Variants in MMS22L observed in about 807,000 individuals in gnomAD.
The protein encoded by MMS22L is MMS22 like, DNA repair protein.
MMS22L carries 74 observed loss-of-function variants against 159.1 expected under a neutral mutation model. The ratio of observed to expected loss-of-function variants is 0.47; its 90% CI spans 0.39 to 0.56. The LOEUF (loss-of-function observed/expected upper bound fraction) is 0.56, where lower values mean the gene tolerates loss of function less well. MMS22L is among the 20% of genes least tolerant of loss of function. The pLI is 0.00. For synonymous variants in MMS22L, 517 were observed against 506.9 expected (o/e 1.02, Z -0.27); for missense variants, 1,351 against 1,422.1 (o/e 0.95, Z 0.80).
chr6:97,232,007 T>A (rs546620277), intron 12 of MMS22L, among the ~76,000 whole-genome samples: 1 of 152,246 alleles, frequency 6.6e-6, no homozygotes, highest in South Asian at 2.1e-4. Context: ...AGGTCATTGG[T>A]TGTATAAAAT....
Position 97,186,355 on chromosome 6 carries a change from A to T in MMS22L, c.2233+142T>A, listed in dbSNP as rs1805226719. 3 of 567,202 alleles carry T rather than the reference A, an allele frequency of 5.3e-6. No homozygotes were observed. The East Asian group carries it at 9.8e-5, about 19-fold the overall frequency. 35.1% of individuals were successfully genotyped at this position (567,202 alleles called of 1,614,324 possible). A position where few individuals can be genotyped will look rare whatever the true frequency, so the allele number is the denominator to read the frequency against. Reference sequence around the variant, plus strand: ...AGCAATAAATAAGCCAAAGGATCCCAATTTATTAATATGTAATTTGTTTCA... The same window carrying T: ...AGCAATAAATAAGCCAAAGGATCCCTATTTATTAATATGTAATTTGTTTCA... On this transcript the variant is annotated intron_variant, in intron 15 of 24. Transcript: ENST00000683635.
At chr6:97,159,078 G>A (rs1214032471) in intron 22 of MMS22L, among the ~76,000 whole-genome samples, 2 of 150,554 alleles carry the variant, frequency 1.3e-5, no homozygotes, top group African/African-American at 4.9e-5. Flanking sequence ...TGTCTCTTTT[G>A]ATCTTTGTTG....
At chr6:97,228,816 TA>T in intron 14 of MMS22L, 77 bp downstream of exon 14, 3 of 1,332,754 alleles carry the variant, frequency 2.3e-6, no homozygotes, top group Non-Finnish European at 3.1e-6. Flanking sequence ...TATATGCATA[TA>T]TATAACTTTA....
chr6:97,233,734 C>G, intron 12 of MMS22L, 127 bp downstream of exon 12: 3 of 976,602 alleles, frequency 3.1e-6, no homozygotes, highest in Non-Finnish European at 4.3e-6. Context: ...CTACTCCAAT[C>G]TACTCTGAAA....
At chr6:97,248,327 G>A (rs962098390) in intron 10 of MMS22L, among the ~76,000 whole-genome samples, 3 of 152,178 alleles carry the variant, frequency 2.0e-5, no homozygotes, top group African/African-American at 7.2e-5. Context: ...AACCTCATGA[G>A]AGACCCTGAG....
At chr6:97,221,137 C>T (rs1424468312) in intron 14 of MMS22L, among the ~76,000 whole-genome samples, 1 of 152,118 alleles carries the variant, frequency 6.6e-6, no homozygotes, top group Admixed American at 6.6e-5. Flanking sequence ...TTGCTAACTG[C>T]CTTATATTCA....
At chr6:97,165,599 G>T in intron 20 of MMS22L, 142 bp from the exon 21 acceptor site, 1 of 706,496 alleles carries the variant, frequency 1.4e-6, no homozygotes, top group Non-Finnish European at 2.3e-6. Flanking sequence ...GTAATCCACA[G>T]ATAATGTACA....
chr6:97,263,927 C>G (rs962496158), intron 8 of MMS22L: 3 of 152,396 alleles, frequency 2.0e-5, no homozygotes, highest in Admixed American at 6.6e-5. Context: ...CCAGGATGGT[C>G]TCGATCTCCT....
intron 18 of MMS22L, among the ~76,000 whole-genome samples, chr6:97,176,794 T>C (rs1804169375): frequency 6.6e-6 from 1 of 152,184 alleles, no homozygotes; most frequent in Admixed American, 6.5e-5. Context: ...AAGCTGTCCC[T>C]GGTTTCTTCA....
intron 4 of MMS22L, among the ~76,000 whole-genome samples, chr6:97,277,893 T>C (rs1306058698): frequency 2.6e-5 from 4 of 152,204 alleles, no homozygotes; most frequent in Admixed American, 2.0e-4. Context: ...GTGTTCCAGG[T>C]AGTCTTTGGT....
At chr6:97,211,526 T>C (rs1438696964) in intron 14 of MMS22L, among the ~76,000 whole-genome samples, 1 of 152,110 alleles carries the variant, frequency 6.6e-6, no homozygotes, top group Non-Finnish European at 1.5e-5. Flanking sequence ...AAAAGTGTAA[T>C]GCATTAGAAA....
rs1274140189 is a variant in MMS22L, at chr6:97,178,492, T to C, written c.2630A>G (p.Tyr877Cys). 3.1e-6 allele frequency: 5 copies of C among 1,591,650 alleles called. No individual in the cohort carries two copies. The South Asian group carries it at 4.6e-5, about 15-fold the overall frequency. ...KSIFSKAQVE[Y>C]LSISEDPKKA... is the part of the protein sequence containing the mutation. ...TTTAGGGTCTTCTGAGATGGATAAATATTCAACTTGGGCCTTTGAGAAAAT... is the reference window on the plus strand; with the variant it reads ...TTTAGGGTCTTCTGAGATGGATAAACATTCAACTTGGGCCTTTGAGAAAAT... The change falls in exon 18 of 25, where the codon TAT (tyrosine) becomes TGT (cysteine). Residue 877 changes from tyrosine (Y) to cysteine (C), a missense_variant. Coordinates refer to ENST00000683635, the MANE Select transcript of MMS22L (RefSeq NM_001350599.2).
At chr6:97,157,965 G>A (rs1802033744) in intron 22 of MMS22L, among the ~76,000 whole-genome samples, 1 of 152,040 alleles carries the variant, frequency 6.6e-6, no homozygotes, top group African/African-American at 2.4e-5. Flanking sequence ...TTTTTTGGTT[G>A]GTAGGCTATT....
intron 11 of MMS22L, among the ~76,000 whole-genome samples, chr6:97,238,591 G>GTGTT (rs34593916): frequency 0.63 from 94,179 of 149,450 alleles, 31,047 homozygotes; most frequent in Non-Finnish European, 0.73. Context: ...GTGTGTGTGT[G>GTGTT]TGTGTGTGTG....
chr6:97,253,079 A>C (rs1813410347), intron 10 of MMS22L, among the ~76,000 whole-genome samples: 1 of 152,220 alleles, frequency 6.6e-6, no homozygotes, highest in South Asian at 2.1e-4. Flanking sequence ...TTTCTCAATA[A>C]ATTGGTAGAA....
chr6:97,192,691 A>G (rs1422691393), intron 14 of MMS22L, among the ~76,000 whole-genome samples: 2 of 152,218 alleles, frequency 1.3e-5, no homozygotes, highest in African/African-American at 4.8e-5. Context: ...TTGGATGGTC[A>G]TTTCCTCATC....
chr6:97,204,937 C>CTTTTTTTT (rs1222516541), intron 14 of MMS22L, among the ~76,000 whole-genome samples: 7 of 52,374 alleles, frequency 1.3e-4, no homozygotes, highest in Admixed American at 7.1e-4. Flanking sequence ...TGTACAGTGT[C>CTTTTTTTT]TTTTTTTTTT....
chr6:97,233,551 A>C (rs1811086818), intron 12 of MMS22L, among the ~76,000 whole-genome samples: 1 of 152,158 alleles, frequency 6.6e-6, no homozygotes, highest in African/African-American at 2.4e-5. Context: ...GTGCCTGTTC[A>C]ATGTGTCATG....
intron 22 of MMS22L, among the ~76,000 whole-genome samples, chr6:97,153,166 T>G (rs553545076): frequency 3.3e-5 from 5 of 152,210 alleles, no homozygotes; most frequent in African/African-American, 7.2e-5. Context: ...AAGAAGAGCT[T>G]TATTGTCATA....
Sources: allele counts gnomAD v4.1 joint callset (sites outside exome capture counted in the v4.1 genomes callset), GRCh38; gene constraint gnomAD v4.1.1; transcripts MANE v1.5; gene names NCBI Gene and HGNC (gene_info 2026-07-23, HGNC 2026-07-21).